The following ASB5 variants were observed in gnomAD, a reference collection of about 807,000 sequenced individuals.
ASB5 encodes ankyrin repeat and SOCS box containing 5.
ASB5 carries 45 observed loss-of-function variants against 42.1 expected under a neutral mutation model. The ratio of observed to expected loss-of-function variants is 1.07; its 90% CI spans 0.84 to 1.37. The LOEUF (loss-of-function observed/expected upper bound fraction) is 1.37. Ranked by LOEUF, ASB5 falls within the 40% of genes most tolerant of loss-of-function variation. ASB5 has a pLI of 0.00. For missense variants in ASB5, 402 were observed against 399.8 expected (o/e 1.01, Z -0.05); for synonymous variants, 147 against 150.6 (o/e 0.98, Z 0.18).
chr4:176,257,707 G>A (rs534231694), intron 1 of ASB5, among the ~76,000 whole-genome samples: 226 of 152,260 alleles, frequency 1.5e-3, no homozygotes, highest in Middle Eastern at 3.4e-3. Flanking sequence ...TCGACAAGGC[G>A]CATGGATGGC....
rs536879411 is a variant in ASB5, at chr4:176,249,848, G to T, written c.196+19065C>A. On this transcript the variant is annotated intron_variant, in intron 1 of 6. Coordinates refer to ENST00000296525, the MANE Select transcript of ASB5 (RefSeq NM_080874.4). ...TGGGAGGCCGAGGCGGGTGGATCACGAGGTCAGGAGATGGAGACCATCCTG... is the reference window on the plus strand; with the variant it reads ...TGGGAGGCCGAGGCGGGTGGATCACTAGGTCAGGAGATGGAGACCATCCTG... Among the ~76,000 whole-genome samples, 365 of 151,956 alleles carry T rather than the reference G, an allele frequency of 2.4e-3. 3 individuals carry two copies. The highest frequency in any genetic ancestry group is 8.2e-3 in the African/African-American group (338 of 41,458).
intron 2 of ASB5, chr4:176,275,781 G>T (rs1754552463): frequency 6.6e-6 from 1 of 152,180 alleles, no homozygotes; most frequent in South Asian, 2.1e-4. Flanking sequence ...CATACTTGCA[G>T]GCAATAATAC....
At chr4:176,266,494 A>T (rs1754359410) in intron 1 of ASB5, among the ~76,000 whole-genome samples, 1 of 152,196 alleles carries the variant, frequency 6.6e-6, no homozygotes, top group South Asian at 2.1e-4. Flanking sequence ...TATAGTAAAT[A>T]AAAGAAAAAG....
upstream of ASB5, among the ~76,000 whole-genome samples, chr4:176,270,550 T>C (rs1754450277): frequency 6.6e-6 from 1 of 152,052 alleles, no homozygotes; most frequent in Non-Finnish European, 1.5e-5. Flanking sequence ...AATAATTAGA[T>C]CTATATATTA....
rs181078350 is a variant in ASB5, at chr4:176,251,213, G to T, written c.196+17700C>A. On this transcript the variant is annotated intron_variant, in intron 1 of 6. Transcript: ENST00000296525. ...TTTAGCTTCTGACAGCAGTTGGGAC[G>T]TTTTATGTTGATACTTTTAATGAAA... Among the ~76,000 whole-genome samples the T allele has an allele frequency of 1.5e-3, 218 of 149,122 alleles. 1 individual carries two copies. The highest frequency in any genetic ancestry group is 1.3e-3 in the Non-Finnish European group (86 of 67,322).
At chr4:176,276,243 A>C (rs1297383779) in intron 1 of ASB5, among the ~76,000 whole-genome samples, 3 of 152,204 alleles carry the variant, frequency 2.0e-5, no homozygotes, top group Non-Finnish European at 4.4e-5. Flanking sequence ...AATATTAGCT[A>C]CATTGTAATT....
intron 1 of ASB5, among the ~76,000 whole-genome samples, chr4:176,255,033 G>C (rs763388923): frequency 3.9e-5 from 6 of 152,168 alleles, no homozygotes; most frequent in African/African-American, 1.2e-4. Flanking sequence ...AGGAGGCTGA[G>C]GCAGGAGAAT....
intron 1 of ASB5, among the ~76,000 whole-genome samples, chr4:176,232,129 T>TAC (rs1561257161): frequency 1.5e-3 from 128 of 84,306 alleles, no homozygotes; most frequent in African/African-American, 5.5e-3. Context: ...ATATATATAC[T>TAC]TTTTTTTTTT....
At chr4:176,220,509 A>G (rs943213214) in intron 5 of ASB5, among the ~76,000 whole-genome samples, 5 of 152,148 alleles carry the variant, frequency 3.3e-5, no homozygotes, top group Non-Finnish European at 7.4e-5. Flanking sequence ...GGATGGGAAA[A>G]AAAGGTATGA....
chr4:176,264,593 A>C (rs918498045), intron 1 of ASB5, among the ~76,000 whole-genome samples: 1 of 152,090 alleles, frequency 6.6e-6, no homozygotes, highest in African/African-American at 2.4e-5. Flanking sequence ...TTACTTCCTG[A>C]TTTACTTTGA....
At chr4:176,271,138 C>G (rs1407762318), upstream of ASB5, among the ~76,000 whole-genome samples, 1 of 152,060 alleles carries the variant, frequency 6.6e-6, no homozygotes, top group Admixed American at 6.6e-5. Flanking sequence ...GATTTTATGT[C>G]AAGATATCAG....
chr4:176,248,927 C>T (rs1338243050), intron 1 of ASB5, among the ~76,000 whole-genome samples: 2 of 152,086 alleles, frequency 1.3e-5, no homozygotes, highest in Non-Finnish European at 2.9e-5. Context: ...GGTTCTATTT[C>T]GTGACTTGAA....
chr4:176,246,225 C>A (rs1753909621), intron 1 of ASB5, among the ~76,000 whole-genome samples: 1 of 151,964 alleles, frequency 6.6e-6, no homozygotes, highest in Admixed American at 6.6e-5. Context: ...AGGGGAAAGG[C>A]TTTTACAGCT....
chr4:176,244,159 C>T (rs898370721), intron 1 of ASB5, among the ~76,000 whole-genome samples: 8 of 152,082 alleles, frequency 5.3e-5, no homozygotes, highest in South Asian at 4.1e-4. Flanking sequence ...TTTCTCGCTT[C>T]TACTCTGAAT....
At chr4:176,253,608 C>T (rs1754087954) in intron 1 of ASB5, among the ~76,000 whole-genome samples, 1 of 152,058 alleles carries the variant, frequency 6.6e-6, no homozygotes, top group Non-Finnish European at 1.5e-5. Flanking sequence ...TCTCTTTTTG[C>T]TGATGATGTG....
rs923889756 is a variant in ASB5 at position 176,214,844 on chromosome 4, C to T, written c.*756G>A. On this transcript the variant is annotated 3_prime_UTR_variant, in exon 7 of 7. Coordinates refer to ENST00000296525, the MANE Select transcript of ASB5 (RefSeq NM_080874.4). ...AAGGCTGGAGTAATATGCATATAAC[C>T]GCCTTGATAAGAGATCATCAGGGGC... 12 of 151,996 alleles carry T rather than the reference C, an allele frequency of 7.9e-5. No homozygotes were observed. Among genetic ancestry groups the T allele is most frequent in the Admixed American group, 5.9e-4 (9 of 15,238 alleles). The allele number at this position is 151,996 out of a possible 1,614,324, so 9.4% of individuals were successfully genotyped here.
At chr4:176,253,932 T>C (rs983358952) in intron 1 of ASB5, among the ~76,000 whole-genome samples, 2 of 152,280 alleles carry the variant, frequency 1.3e-5, no homozygotes, top group Middle Eastern at 3.4e-3. Context: ...ACAAAAAAAT[T>C]CCATGCTCGT....
chr4:176,233,373 A>G (rs2126956868), intron 1 of ASB5, among the ~76,000 whole-genome samples: 1 of 152,312 alleles, frequency 6.6e-6, no homozygotes, highest in Middle Eastern at 3.4e-3. Flanking sequence ...TCTCTCCCAC[A>G]AATTTCAGCG....
At position 176,241,784 on chromosome 4, in the gene ASB5, G is replaced by T. The variant is rs114108487; in HGVS notation, c.197-16443C>A. 2,107 of 704,766 alleles carry T rather than the reference G, an allele frequency of 3.0e-3. 43 individuals are homozygous for T. In the African/African-American group the frequency reaches 0.036, roughly 12 times the overall value. 43.7% of individuals were successfully genotyped at this position (704,766 alleles called of 1,614,324 possible). On this transcript the variant is annotated intron_variant, in intron 1 of 6. Transcript: ENST00000296525. ...TTGTTCCAAAGGTCATTCATTTATT[G>T]TATAAAGGTTGCTGGGAAACTACAG... is the stretch of plus-strand genomic sequence containing the variant.
Sources: allele counts gnomAD v4.1 joint callset (sites outside exome capture counted in the v4.1 genomes callset), GRCh38; gene constraint gnomAD v4.1.1; transcripts MANE v1.5; gene names NCBI Gene and HGNC (gene_info 2026-07-23, HGNC 2026-07-21).